Variants in TBCK observed in about 807,000 individuals in gnomAD.
TBCK encodes TBC domain-containing protein kinase-like protein.
Under a neutral mutation model 113.4 loss-of-function variants are expected in TBCK, and 99 were observed. The ratio of observed to expected loss-of-function variants is 0.87; its 90% CI spans 0.74 to 1.03. The LOEUF (loss-of-function observed/expected upper bound fraction) is 1.03, where lower values mean the gene tolerates loss of function less well. TBCK is among the 50% of genes least tolerant of loss of function. The pLI, the probability that TBCK is intolerant of heterozygous loss-of-function variation, is 0.00. For missense variants in TBCK, 1,045 were observed against 1,061.3 expected (o/e 0.98, Z 0.21); for synonymous variants, 369 against 370.8 (o/e 1.00, Z 0.05).
At chr4:106,125,532 G>C (rs541634808) in intron 23 of TBCK, among the ~76,000 whole-genome samples, 3 of 151,992 alleles carry the variant, frequency 2.0e-5, no homozygotes, top group African/African-American at 7.3e-5. Context: ...TAAAATAAAA[G>C]AATGAAATCC....
At chr4:106,116,432 T>G in intron 23 of TBCK, 54 bp from the exon 24 acceptor site, 1 of 1,380,236 alleles carries the variant, frequency 7.2e-7, no homozygotes, top group Admixed American at 1.9e-5. Context: ...GAAAAACAAA[T>G]TATCCCCAGT....
chr4:106,221,517 G>A (rs1249831160), intron 19 of TBCK, among the ~76,000 whole-genome samples: 1 of 152,024 alleles, frequency 6.6e-6, no homozygotes, highest in African/African-American at 2.4e-5. Flanking sequence ...TGTCTCTAAA[G>A]GGAGCACATG....
chr4:106,285,541 G>A (rs576147834), intron 3 of TBCK, among the ~76,000 whole-genome samples: 2 of 151,882 alleles, frequency 1.3e-5, no homozygotes, highest in Non-Finnish European at 2.9e-5. Flanking sequence ...CCTGATCCCT[G>A]TCCCACCAAA....
chr4:106,200,572 T>C (rs1357584683), intron 20 of TBCK, among the ~76,000 whole-genome samples: 1 of 152,048 alleles, frequency 6.6e-6, no homozygotes, highest in Admixed American at 6.6e-5. Flanking sequence ...ATCTCTTCTT[T>C]ACCTGAGCAC....
chr4:106,127,685 G>T (rs1483947692), intron 23 of TBCK, among the ~76,000 whole-genome samples: 1 of 152,038 alleles, frequency 6.6e-6, no homozygotes, highest in Non-Finnish European at 1.5e-5. Flanking sequence ...GTGTGTGTGT[G>T]TATGTGTTCA....
At chr4:106,249,922 C>T (rs1202083457) in intron 7 of TBCK, among the ~76,000 whole-genome samples, 1 of 151,976 alleles carries the variant, frequency 6.6e-6, no homozygotes, top group Non-Finnish European at 1.5e-5. Flanking sequence ...TTAATTAATT[C>T]CACTCCAAAG....
chr4:106,099,916 T>C (rs1316331632), intron 24 of TBCK, among the ~76,000 whole-genome samples: 1 of 152,182 alleles, frequency 6.6e-6, no homozygotes, highest in Non-Finnish European at 1.5e-5. Context: ...TATGACTGCC[T>C]ATAGGACAAA....
At chr4:106,059,079 A>C (rs1046151319) in intron 25 of TBCK, among the ~76,000 whole-genome samples, 4 of 151,768 alleles carry the variant, frequency 2.6e-5, no homozygotes, top group African/African-American at 9.7e-5. Context: ...TTTGGAGGAA[A>C]GTGTAGGAAC....
In TBCK at chr4:106,046,578, G is replaced by A; in HGVS notation, c.2674C>T (p.Gln892Ter). The change falls in exon 26 of 26, where the codon CAA becomes TAA. Residue 892 changes from glutamine to a stop codon, truncating the protein, a stop_gained. Transcript: ENST00000394708. LOFTEE classifies it high-confidence loss of function. ...PTGLLTIPSP[Q>*]I is the part of the protein sequence containing the mutation. ...GTCACACTCTTGGTTCTTCATATTTGAGGAGATGGGATGGTGAGGAGGCCT... is the reference window on the plus strand; with the variant it reads ...GTCACACTCTTGGTTCTTCATATTTAAGGAGATGGGATGGTGAGGAGGCCT... 6.3e-7 allele frequency: 1 copy of A among 1,588,484 alleles called. No individual in the cohort carries two copies. Among genetic ancestry groups the A allele is most frequent in the Non-Finnish European group, 8.6e-7 (1 of 1,156,890 alleles).
At chr4:106,209,220 T>C (rs555381646) in intron 20 of TBCK, among the ~76,000 whole-genome samples, 1 of 145,888 alleles carries the variant, frequency 6.9e-6, no homozygotes, top group Admixed American at 6.8e-5. Flanking sequence ...GTGTAGATCA[T>C]AACAGGGAAG....
chr4:106,172,801 T>A (rs1751189471), intron 22 of TBCK, among the ~76,000 whole-genome samples: 1 of 152,112 alleles, frequency 6.6e-6, no homozygotes, highest in Admixed American at 6.6e-5. Flanking sequence ...ATACTTTCAC[T>A]TAATCCATTT....
Position 106,042,733 on chromosome 4 carries a change from G to T in TBCK, c.*3837C>A, listed in dbSNP as rs1328721671. On this transcript the variant is annotated 3_prime_UTR_variant, in exon 26 of 26. Coordinates refer to ENST00000394708, the MANE Select transcript of TBCK (RefSeq NM_001163435.3). The stretch of plus-strand genomic sequence containing the variant: ...AAGCACAGGAATCCAACAAAAATCT[G>T]GCACCACTGTGTCCTCTAAAAGTTT... 5 of 152,088 alleles carry T rather than the reference G, an allele frequency of 3.3e-5. No individual in the cohort carries two copies. The highest frequency in any genetic ancestry group is 1.2e-4 in the African/African-American group (5 of 41,402). The allele number at this position is 152,088 out of a possible 1,614,324, so 9.4% of individuals were successfully genotyped here. A position where few individuals can be genotyped will look rare whatever the true frequency, so the allele number is the denominator to read the frequency against.
intron 25 of TBCK, among the ~76,000 whole-genome samples, chr4:106,069,840 T>C (rs1737151217): frequency 6.6e-6 from 1 of 152,230 alleles, no homozygotes; most frequent in Non-Finnish European, 1.5e-5. Context: ...TTTGTAGTTC[T>C]CCTTGAAGAG....
chr4:106,193,722 A>T lies in TBCK; in HGVS notation c.1946T>A (p.Leu649His), dbSNP rs1379238000. The T allele has an allele frequency of 6.2e-7, 1 of 1,609,076 alleles. No individual in the cohort carries two copies. The change falls in exon 22 of 26, where the codon CTT (leucine) becomes CAT (histidine). Residue 649 changes from leucine to histidine, a missense_variant. By Grantham distance (99) the Leu-to-His change is moderately conservative. Coordinates refer to ENST00000394708, the MANE Select transcript of TBCK (RefSeq NM_001163435.3). ...ACAGAATGGGAAAGAGGAATTCCCA[A>T]GTAGTAAGGTATCCCAGAGGTGGAA... ...KIFHLWDTLL[L>H]GNSSFPFCIG...
At chr4:106,097,636 A>G (rs77454815) in intron 24 of TBCK, among the ~76,000 whole-genome samples, 22 of 152,234 alleles carry the variant, frequency 1.4e-4, no homozygotes, top group African/African-American at 2.6e-4. Context: ...GTTTCCTTGG[A>G]AAGTATTTAC....
At chr4:106,239,461 A>C (rs1484410157) in intron 12 of TBCK, among the ~76,000 whole-genome samples, 1 of 151,848 alleles carries the variant, frequency 6.6e-6, no homozygotes, top group East Asian at 2.0e-4. Flanking sequence ...CATCAAATGA[A>C]GAGAAGTACA....
intron 3 of TBCK, among the ~76,000 whole-genome samples, chr4:106,279,566 T>C (rs1199551782): frequency 3.3e-5 from 5 of 152,164 alleles, no homozygotes. Context: ...TCTAATTATG[T>C]TTTTGTACTG....
At chr4:106,062,368 A>G (rs1462672146) in intron 25 of TBCK, among the ~76,000 whole-genome samples, 1 of 151,842 alleles carries the variant, frequency 6.6e-6, no homozygotes, top group Non-Finnish European at 1.5e-5. Context: ...AGGAGCCCTA[A>G]TAAGTCTTGT....
At chr4:106,216,784 A>C (rs1487271010) in intron 19 of TBCK, among the ~76,000 whole-genome samples, 1 of 151,440 alleles carries the variant, frequency 6.6e-6, no homozygotes, top group Non-Finnish European at 1.5e-5. Context: ...ATTCTACCAG[A>C]GGTACAAGGA....
Sources: gnomAD v4.1 joint callset for allele counts (sites outside exome capture counted in the v4.1 genomes callset) on GRCh38, gnomAD v4.1.1 for gene constraint, MANE v1.5 for transcripts, NCBI Gene and HGNC (gene_info 2026-07-23, HGNC 2026-07-21) for gene names.